Variants in SBF2 observed in about 807,000 individuals in gnomAD.
The protein encoded by SBF2 is myotubularin-related protein 13.
SBF2 carries 112 observed loss-of-function variants against 225.2 expected under a neutral mutation model. That is an observed-to-expected ratio of 0.50 (90% CI 0.43 to 0.58). SBF2 has a LOEUF of 0.58. Ranked by LOEUF, SBF2 falls within the 20% of genes least tolerant of loss-of-function variation. The probability of loss-of-function intolerance (pLI) is 0.00; values close to 1 mark genes in which losing one functional copy is unlikely to be tolerated. For missense variants in SBF2, 1,996 were observed against 2,206.2 expected, an observed-to-expected ratio of 0.90 and a Z score of 1.91; for synonymous variants, 763 against 773.3, an observed-to-expected ratio of 0.99 and a Z score of 0.22.
intron 1 of SBF2, among the ~76,000 whole-genome samples, chr11:10,284,376 T>C (rs2135567842): frequency 6.6e-6 from 1 of 152,214 alleles, no homozygotes; most frequent in South Asian, 2.1e-4. Flanking sequence ...ACCACAAAAA[T>C]TCCTCCCAAT....
At chr11:10,210,930 T>C (rs1219234910) in intron 1 of SBF2, among the ~76,000 whole-genome samples, 1 of 141,126 alleles carries the variant, frequency 7.1e-6, no homozygotes, top group African/African-American at 2.6e-5. Context: ...GGAGAATCGT[T>C]TGAACCCAGG....
intron 16 of SBF2, chr11:9,928,937 G>A (rs1864269321): frequency 2.3e-6 from 1 of 433,158 alleles, no homozygotes; most frequent in African/African-American, 2.0e-5. Flanking sequence ...CAATTTTCTT[G>A]TTCGAGTTCA....
intron 28 of SBF2, among the ~76,000 whole-genome samples, chr11:9,818,573 T>C (rs945188209): frequency 6.6e-6 from 1 of 152,208 alleles, no homozygotes; most frequent in Non-Finnish European, 1.5e-5. Context: ...TTTGAGAAGC[T>C]TTAGTCTTTT....
intron 2 of SBF2, among the ~76,000 whole-genome samples, chr11:10,060,872 C>CA (rs1392816224): frequency 6.6e-6 from 1 of 151,884 alleles, no homozygotes; most frequent in Non-Finnish European, 1.5e-5. Flanking sequence ...ACTAAAAATA[C>CA]AAAAAATTAG....
At chr11:10,298,042 GGTAT>G (rs1244089176), upstream of SBF2, among the ~76,000 whole-genome samples, 1 of 152,190 alleles carries the variant, frequency 6.6e-6, no homozygotes, top group East Asian at 1.9e-4. Flanking sequence ...AGGGAAGAAG[GGTAT>G]GTAACACTAT....
At chr11:10,181,508 G>GTT (rs1319699471) in intron 2 of SBF2, among the ~76,000 whole-genome samples, 3 of 151,962 alleles carry the variant, frequency 2.0e-5, no homozygotes, top group African/African-American at 4.8e-5. Flanking sequence ...CAGACTTAAA[G>GTT]TATCTTTAAG....
intron 17 of SBF2, among the ~76,000 whole-genome samples, chr11:9,890,440 G>T (rs1322365096): frequency 6.6e-6 from 1 of 152,050 alleles, no homozygotes; most frequent in Admixed American, 6.6e-5. Context: ...GAATTTTGAA[G>T]AAAAAATATG....
intron 16 of SBF2, among the ~76,000 whole-genome samples, chr11:9,910,759 A>C (rs1392363662): frequency 6.6e-6 from 1 of 151,960 alleles, no homozygotes; most frequent in Non-Finnish European, 1.5e-5. Context: ...AATAGAAAAC[A>C]CAGCTGGGGC....
In SBF2 at chr11:9,785,292, T is replaced by C. The variant is rs766646551; in HGVS notation, c.5064A>G (p.Pro1688=). ...AAGGTAGGTTGGTAGACACAATTCCTGGGGATCTCGACAGGTGTCTTTGGG... is the reference window on the plus strand; with the variant it reads ...AAGGTAGGTTGGTAGACACAATTCCCGGGGATCTCGACAGGTGTCTTTGGG... ...DRSQRHLSRS[P]GIVSTNLPSY... Residue 1688 remains proline, a synonymous_variant, in exon 37 of 40, where the codon CCA becomes CCG. Coordinates refer to ENST00000256190, the MANE Select transcript of SBF2 (RefSeq NM_030962.4). 6 of 1,614,074 alleles carry C rather than the reference T, an allele frequency of 3.7e-6. No individual in the cohort carries two copies. In the Admixed American group the frequency reaches 5.0e-5, roughly 13 times the overall value.
intron 1 of SBF2, among the ~76,000 whole-genome samples, chr11:10,290,963 T>C (rs538218064): frequency 2.0e-5 from 3 of 152,230 alleles, no homozygotes; most frequent in African/African-American, 7.2e-5. Flanking sequence ...AAATGGCTGA[T>C]TACAGAACCA....
In SBF2 at chr11:10,248,379, C is replaced by T. The variant is rs192461320; in HGVS notation, c.55+45636G>A. On this transcript the variant is annotated intron_variant, in intron 1 of 39. Transcript: ENST00000256190. ...GTACAATTTAAAGGTGATTAGGCCT[C>T]TTAAATGCTTCATAAAATGCCACTA... 2.5e-3 allele frequency among the ~76,000 whole-genome samples: 378 copies of T among 152,306 alleles called. 2 individuals are homozygous for T. Among genetic ancestry groups the T allele is most frequent in the South Asian group, 3.5e-3 (17 of 4,828 alleles).
At chr11:9,826,568 C>T (rs1216763864) in intron 28 of SBF2, among the ~76,000 whole-genome samples, 1 of 151,744 alleles carries the variant, frequency 6.6e-6, no homozygotes, top group African/African-American at 2.4e-5. Flanking sequence ...AGAGCTAGGG[C>T]CAATATGTAA....
intron 17 of SBF2, among the ~76,000 whole-genome samples, chr11:9,883,590 T>C (rs1229387994): frequency 1.3e-5 from 2 of 152,216 alleles, no homozygotes; most frequent in African/African-American, 4.8e-5. Context: ...GTTCAGTCAA[T>C]GCTGGGCATC....
At chr11:10,060,661 C>T (rs978242682) in intron 2 of SBF2, among the ~76,000 whole-genome samples, 2 of 152,122 alleles carry the variant, frequency 1.3e-5, no homozygotes, top group Admixed American at 6.6e-5. Context: ...AGTCCAGCAG[C>T]ACATCAAAAA....
chr11:10,212,605 T>C (rs1211009824), intron 1 of SBF2, among the ~76,000 whole-genome samples: 1 of 152,174 alleles, frequency 6.6e-6, no homozygotes, highest in Non-Finnish European at 1.5e-5. Context: ...CCTACATTCA[T>C]TGGACCTTAA....
chr11:9,934,956 G>C (rs1864780455), intron 16 of SBF2, among the ~76,000 whole-genome samples: 1 of 152,098 alleles, frequency 6.6e-6, no homozygotes, highest in African/African-American at 2.4e-5. Flanking sequence ...TTCTCACCAG[G>C]GCAGTCAGGG....
At chr11:9,948,113 A>G (rs1401752590) in intron 16 of SBF2, among the ~76,000 whole-genome samples, 1 of 151,864 alleles carries the variant, frequency 6.6e-6, no homozygotes, top group Admixed American at 6.6e-5. Context: ...CTTAAAAAGG[A>G]AGGAAATTCC....
At chr11:10,262,083 G>T (rs1961491290) in intron 1 of SBF2, among the ~76,000 whole-genome samples, 2 of 152,136 alleles carry the variant, frequency 1.3e-5, no homozygotes. Context: ...TTCATTATAT[G>T]TGAACATTGC....
chr11:10,220,163 A>G, intron 1 of SBF2, among the ~76,000 whole-genome samples: 1 of 152,202 alleles, frequency 6.6e-6, no homozygotes, highest in East Asian at 1.9e-4. Flanking sequence ...GGCAAAGGAG[A>G]TGCAAAGGAA....
Sources: allele counts gnomAD v4.1 joint callset (sites outside exome capture counted in the v4.1 genomes callset), GRCh38; gene constraint gnomAD v4.1.1; transcripts MANE v1.5; gene names NCBI Gene and HGNC (gene_info 2026-07-23, HGNC 2026-07-21).